The following PTPRG variants were observed in gnomAD, a reference collection of about 807,000 sequenced individuals.
PTPRG encodes the protein protein tyrosine phosphatase receptor type G, also known as receptor-type tyrosine-protein phosphatase gamma.
PTPRG carries 102 observed loss-of-function variants against 165.3 expected under a neutral mutation model. The observed-to-expected ratio is 0.62, with a 90% confidence interval of 0.53 to 0.73. The LOEUF is 0.73. PTPRG is among the 30% of genes least tolerant of loss of function. The pLI is 0.00. For missense variants in PTPRG, 1,866 were observed against 1,861.4 expected, an observed-to-expected ratio of 1.00 and a Z score of -0.05; for synonymous variants, 675 against 669.5, an observed-to-expected ratio of 1.01 and a Z score of -0.13.
chr3:61,768,318 T>C (rs1274602581), intron 2 of PTPRG, among the ~76,000 whole-genome samples: 1 of 152,216 alleles, frequency 6.6e-6, no homozygotes, highest in African/African-American at 2.4e-5. Context: ...TGGGAGACTT[T>C]TATAGCCATT....
At chr3:61,995,684 CTT>C (rs755876599) in intron 3 of PTPRG, among the ~76,000 whole-genome samples, 34,724 of 83,780 alleles carry the variant, frequency 0.41, 6,086 homozygotes, top group Non-Finnish European at 0.47. Flanking sequence ...GCCCGCCCGC[CTT>C]CCTTCCTTCC....
At chr3:62,108,677 C>G (rs1029985917) in intron 5 of PTPRG, among the ~76,000 whole-genome samples, 4 of 152,182 alleles carry the variant, frequency 2.6e-5, no homozygotes, top group Admixed American at 6.5e-5. Context: ...TAAAAGCGTT[C>G]CTATTTCTCC....
chr3:61,828,719 T>C (rs2036183435), intron 2 of PTPRG, among the ~76,000 whole-genome samples: 1 of 152,158 alleles, frequency 6.6e-6, no homozygotes, highest in Admixed American at 6.5e-5. Flanking sequence ...CCAATGGGAA[T>C]TGGCTTGGTG....
At chr3:61,786,065 A>G (rs977679436) in intron 2 of PTPRG, among the ~76,000 whole-genome samples, 2 of 152,182 alleles carry the variant, frequency 1.3e-5, no homozygotes, top group African/African-American at 4.8e-5. Flanking sequence ...AATGAACATC[A>G]TGTGTAGGTT....
chr3:61,595,009 C>T (rs560795613), intron 1 of PTPRG, among the ~76,000 whole-genome samples: 5 of 152,038 alleles, frequency 3.3e-5, no homozygotes, highest in African/African-American at 7.2e-5. Flanking sequence ...TTTTCCTCTC[C>T]GGATGAAAAG....
At chr3:62,265,424 C>G (rs1389870787) in intron 17 of PTPRG, among the ~76,000 whole-genome samples, 2 of 151,978 alleles carry the variant, frequency 1.3e-5, no homozygotes, top group African/African-American at 4.8e-5. Flanking sequence ...TTTTGGATTG[C>G]TCATTGCTAG....
chr3:62,192,393 C>CTT (rs71123255), intron 9 of PTPRG, among the ~76,000 whole-genome samples: 2,064 of 52,720 alleles, frequency 0.039, 412 homozygotes, highest in East Asian at 0.05. Context: ...CAACTACTGT[C>CTT]TTTTTTTTTT....
At chr3:61,904,704 G>A (rs1267794016) in intron 2 of PTPRG, among the ~76,000 whole-genome samples, 6 of 152,092 alleles carry the variant, frequency 3.9e-5, no homozygotes, top group African/African-American at 1.4e-4. Context: ...TGTCCCCTAG[G>A]TGGCTTAACA....
At position 62,132,646 on chromosome 3, in the gene PTPRG, G is replaced by T. The variant is rs180851782; in HGVS notation, c.660G>T (p.Gly220=). The change falls in exon 6 of 30, where the codon GGG becomes GGT. Residue 220 remains glycine (G), a synonymous_variant. Coordinates refer to ENST00000474889, the MANE Select transcript of PTPRG (RefSeq NM_002841.4). ...DNSALDPIIH[G]LKGVVHHEKE... is the part of the protein sequence containing the mutation. ...CTGCACTGGATCCTATTATCCACGG[G>T]TTGAAGGGTGTCGTACATCATGGTA... 1.9e-5 allele frequency: 31 copies of T among 1,612,088 alleles called. No homozygotes were observed. The Admixed American group carries it at 5.2e-4, about 27-fold the overall frequency.
chr3:61,584,107 C>T (rs1700375464), intron 1 of PTPRG, among the ~76,000 whole-genome samples: 1 of 152,162 alleles, frequency 6.6e-6, no homozygotes, highest in South Asian at 2.1e-4. Flanking sequence ...TATTTTGGTG[C>T]TAGGGACAGC....
chr3:62,029,560 G>T (rs1324768468), intron 4 of PTPRG, among the ~76,000 whole-genome samples: 1 of 152,134 alleles, frequency 6.6e-6, no homozygotes, highest in African/African-American at 2.4e-5. Flanking sequence ...CATCTTCATT[G>T]GAAAACTTAC....
intron 4 of PTPRG, among the ~76,000 whole-genome samples, chr3:62,016,434 G>A (rs190875852): frequency 1.2e-3 from 184 of 152,162 alleles, no homozygotes; most frequent in African/African-American, 4.1e-3. Flanking sequence ...CCAAAGTGCC[G>A]GGATTACAGG....
rs1647149660 is a variant in PTPRG at position 62,233,639 on chromosome 3, A to G, written c.2375+2328A>G. Among the ~76,000 whole-genome samples, 1 of 152,172 alleles carries G rather than the reference A, an allele frequency of 6.6e-6. No individual in the cohort carries two copies. Among genetic ancestry groups the G allele is most frequent in the African/African-American group, 2.4e-5 (1 of 41,444 alleles). ...AAATTGCAACCCTCCAAACAGCTAC[A>G]AGAGCTGTTACAGAATCCCTACACA... On this transcript the variant is annotated intron_variant, in intron 14 of 29. Transcript: ENST00000474889. The surrounding 1 kb of genome is among the most constrained non-coding windows in gnomAD (Gnocchi z 4.7).
chr3:61,953,593 G>A (rs2039951492), intron 2 of PTPRG, among the ~76,000 whole-genome samples: 1 of 152,126 alleles, frequency 6.6e-6, no homozygotes, highest in African/African-American at 2.4e-5. Flanking sequence ...TGGTTCTATG[G>A]GGAGGGGAGA....
At chr3:62,034,463 C>T (rs962447682) in intron 4 of PTPRG, among the ~76,000 whole-genome samples, 35 of 152,188 alleles carry the variant, frequency 2.3e-4, no homozygotes, top group African/African-American at 7.5e-4. Context: ...TCAGAACTTG[C>T]GTGAGGTCTG....
chr3:62,174,373 G>A (rs534285763), intron 8 of PTPRG, among the ~76,000 whole-genome samples: 8 of 152,296 alleles, frequency 5.3e-5, no homozygotes, highest in African/African-American at 1.9e-4. Flanking sequence ...GAAATGGAGA[G>A]GACACCGGGC....
chr3:62,124,719 C>G (rs1388949964), intron 5 of PTPRG: 6 of 555,596 alleles, frequency 1.1e-5, no homozygotes, highest in Non-Finnish European at 1.6e-5. Flanking sequence ...GGCTCAGAAT[C>G]ACACTGGCTA....
chr3:62,230,630 T>G (rs1346899586), intron 13 of PTPRG, among the ~76,000 whole-genome samples: 1 of 152,232 alleles, frequency 6.6e-6, no homozygotes, highest in Non-Finnish European at 1.5e-5. Context: ...AATATAGGAC[T>G]TAATATATAG....
Position 62,003,406 on chromosome 3 carries a change from T to A in PTPRG, c.428T>A (p.Phe143Tyr), listed in dbSNP as rs1165690037. The change falls in exon 4 of 30, where the codon TTC (phenylalanine) becomes TAC (tyrosine). Residue 143 changes from phenylalanine to tyrosine, a missense_variant. Physicochemically the swap from Phe to Tyr is conservative, Grantham distance 22. Transcript: ENST00000474889. Reference sequence around the variant, plus strand: ...AGTGGAGCTGGTCTACCTGGCAGATTCAAAGCTGAGAAGGTGGAATTTCAC... The same window carrying A: ...AGTGGAGCTGGTCTACCTGGCAGATACAAAGCTGAGAAGGTGGAATTTCAC... ...FVSGAGLPGR[F>Y]KAEKVEFHWG... 1.9e-6 allele frequency: 3 copies of A among 1,614,064 alleles called. No individual in the cohort carries two copies. The highest frequency in any genetic ancestry group is 3.3e-5 in the Admixed American group (2 of 60,022).
Sources: gnomAD v4.1 joint callset for allele counts (sites outside exome capture counted in the v4.1 genomes callset) on GRCh38, gnomAD v4.1.1 for gene constraint, Gnocchi (gnomAD v3.1) non-coding constraint, MANE v1.5 for transcripts, NCBI Gene and HGNC (gene_info 2026-07-23, HGNC 2026-07-21) for gene names.